Variants in MATCAP2 observed in about 807,000 individuals in gnomAD.
MATCAP2 encodes the protein microtubule associated tyrosine carboxypeptidase 2.
At chr7:36,333,815 TAGTC>T in the MATCAP2 span, 4 of 1,465,222 alleles carry the variant, frequency 2.7e-6, no homozygotes, top group Non-Finnish European at 2.8e-6. Context: ...ACTAGACAAC[TAGTC>T]AGTAAGTCAG....
chr7:36,361,053 A>G, the MATCAP2 span, among the ~76,000 whole-genome samples: 1 of 152,222 alleles, frequency 6.6e-6, no homozygotes, highest in Admixed American at 6.5e-5. Context: ...CATACTGAGG[A>G]AAAAAGGGTA....
At chr7:36,371,208 T>C in the MATCAP2 span, among the ~76,000 whole-genome samples, 1 of 152,024 alleles carries the variant, frequency 6.6e-6, no homozygotes, top group African/African-American at 2.4e-5. Context: ...CAGGCTCAGG[T>C]AATCCTCTTA....
the MATCAP2 span, among the ~76,000 whole-genome samples, chr7:36,374,874 G>A: frequency 1.3e-5 from 2 of 152,138 alleles, no homozygotes; most frequent in Admixed American, 6.5e-5. Flanking sequence ...GAACTCATCC[G>A]TTTTTATGGC....
At chr7:36,341,947 T>G in the MATCAP2 span, among the ~76,000 whole-genome samples, 1 of 152,188 alleles carries the variant, frequency 6.6e-6, no homozygotes, top group Admixed American at 6.5e-5. Flanking sequence ...GCAGGCCAAA[T>G]GCATTTTTTT....
the MATCAP2 span, among the ~76,000 whole-genome samples, chr7:36,335,456 C>T: frequency 7.9e-5 from 12 of 152,112 alleles, no homozygotes; most frequent in Non-Finnish European, 1.8e-4. Flanking sequence ...TCTGAGGTGT[C>T]GTAAATACGC....
At chr7:36,383,944 G>C in the MATCAP2 span, 1 of 1,497,724 alleles carries the variant, frequency 6.7e-7, no homozygotes, top group Non-Finnish European at 9.1e-7. Flanking sequence ...AAAATAAAAA[G>C]ATTTGTGTTA....
the MATCAP2 span, among the ~76,000 whole-genome samples, chr7:36,365,055 A>G: frequency 6.6e-6 from 1 of 152,166 alleles, no homozygotes; most frequent in Non-Finnish European, 1.5e-5. Context: ...TGGGTCTACT[A>G]CTTTCTAAAG....
At chr7:36,360,875 C>A in the MATCAP2 span, among the ~76,000 whole-genome samples, 6 of 152,158 alleles carry the variant, frequency 3.9e-5, no homozygotes, top group South Asian at 1.0e-3. Context: ...AAGTGTAACT[C>A]GTGTTTTCCC....
chr7:36,338,955 CCTAT>C, the MATCAP2 span, among the ~76,000 whole-genome samples: 2 of 152,154 alleles, frequency 1.3e-5, no homozygotes, highest in African/African-American at 4.8e-5. Context: ...TTTGAGTTGT[CCTAT>C]CTTTTTAGAC....
chr7:36,337,098 CAAAAAAAAA>C, the MATCAP2 span, among the ~76,000 whole-genome samples: 72 of 18,528 alleles, frequency 3.9e-3, 2 homozygotes, highest in African/African-American at 0.017. Context: ...AACTCCATCT[CAAAAAAAAA>C]AAAAAAAAAA....
At chr7:36,364,902 A>G in the MATCAP2 span, among the ~76,000 whole-genome samples, 1 of 152,240 alleles carries the variant, frequency 6.6e-6, no homozygotes, top group Non-Finnish European at 1.5e-5. Flanking sequence ...AGAGGCTTGC[A>G]TGGTCTCAAA....
chr7:36,336,441 T>C, the MATCAP2 span: 1 of 710,648 alleles, frequency 1.4e-6, no homozygotes, highest in Non-Finnish European at 2.2e-6. Context: ...ACTTTTCTAA[T>C]CCTAAACAAC....
chr7:36,331,266 G>GGT, the MATCAP2 span, among the ~76,000 whole-genome samples: 1 of 152,068 alleles, frequency 6.6e-6, no homozygotes, highest in Non-Finnish European at 1.5e-5. Context: ...GTGCCAGGAT[G>GGT]GTATGCAGAC....
chr7:36,336,195 G>A, the MATCAP2 span: 1 of 1,536,432 alleles, frequency 6.5e-7, no homozygotes, highest in Non-Finnish European at 8.7e-7. Flanking sequence ...TTCCTAACGT[G>A]ACTCCAGATT....
the MATCAP2 span, chr7:36,335,004 T>C: frequency 6.4e-7 from 1 of 1,558,032 alleles, no homozygotes; most frequent in Non-Finnish European, 8.7e-7. Context: ...TAGAGCTAAT[T>C]CCTGATATTA....
the MATCAP2 span, chr7:36,326,555 A>G: frequency 1.8e-5 from 7 of 379,808 alleles, no homozygotes; most frequent in Non-Finnish European, 2.3e-5. Context: ...AAATAGGAAT[A>G]ACTTCCCCCT....
the MATCAP2 span, among the ~76,000 whole-genome samples, chr7:36,329,086 T>C: frequency 2.0e-5 from 3 of 152,148 alleles, no homozygotes; most frequent in South Asian, 2.1e-4. Context: ...CTCATGTTCA[T>C]ATTATATCTA....
At chr7:36,335,195 A>G in the MATCAP2 span, 1 of 1,612,638 alleles carries the variant, frequency 6.2e-7, no homozygotes. Context: ...GGCAAGAGAA[A>G]AAGTACACAG....
chr7:36,326,625 C>T, the MATCAP2 span: 5 of 683,490 alleles, frequency 7.3e-6, no homozygotes, highest in Middle Eastern at 4.3e-4. Context: ...CTAAAAATTC[C>T]GCTGAATACT....
Sources: gnomAD v4.1 joint callset for allele counts (sites outside exome capture counted in the v4.1 genomes callset) on GRCh38, gnomAD v4.1.1 for gene constraint, MANE v1.5 for transcripts, NCBI Gene and HGNC (gene_info 2026-07-23, HGNC 2026-07-21) for gene names.